SLC14A2: variants seen among roughly 807,000 people sequenced by gnomAD.
SLC14A2 encodes solute carrier family 14 member 2, also known as urea transporter 2.
In SLC14A2, 91 loss-of-function variants were observed where a neutral mutation model predicts 104.6. The observed-to-expected ratio is 0.87, with a 90% CI of 0.73 to 1.04. The LOEUF (loss-of-function observed/expected upper bound fraction) is 1.04. Among genes scored for constraint, SLC14A2 ranks in the 50% least tolerant of loss-of-function variants. The pLI is 0.00. For missense variants in SLC14A2, 1,189 were observed against 1,156.0 expected (o/e 1.03, Z -0.41); for synonymous variants, 476 against 466.4 (o/e 1.02, Z -0.27).
chr18:45,659,962 A>C (rs1031386968), intron 10 of SLC14A2, among the ~76,000 whole-genome samples: 4 of 41,296 alleles, frequency 9.7e-5, no homozygotes, highest in African/African-American at 3.8e-4. Flanking sequence ...CTGGCTCTAC[A>C]AAAAAAAAAA....
chr18:45,328,703 C>T (rs989020710), intron 1 of SLC14A2, among the ~76,000 whole-genome samples: 2 of 152,206 alleles, frequency 1.3e-5, no homozygotes, highest in Admixed American at 1.3e-4. Flanking sequence ...ATATGCTTAA[C>T]ACTAAAGATG....
intron 1 of SLC14A2, among the ~76,000 whole-genome samples, chr18:45,474,313 A>C (rs995215358): frequency 1.3e-5 from 2 of 152,176 alleles, no homozygotes; most frequent in Admixed American, 1.3e-4. Context: ...ATCAATGTTC[A>C]TCAGGGATAT....
intron 2 of SLC14A2, among the ~76,000 whole-genome samples, chr18:45,500,910 T>C (rs951137903): frequency 1.3e-5 from 2 of 152,178 alleles, no homozygotes; most frequent in Non-Finnish European, 2.9e-5. Flanking sequence ...CTGGTCACTG[T>C]CAGATAAGAT....
At chr18:45,369,999 T>A (rs1167743657) in intron 1 of SLC14A2, among the ~76,000 whole-genome samples, 1 of 152,214 alleles carries the variant, frequency 6.6e-6, no homozygotes, top group East Asian at 1.9e-4. Context: ...CTCTATGGAC[T>A]GAGAGCCAGA....
At chr18:45,523,124 GA>G (rs1179942070) in intron 2 of SLC14A2, among the ~76,000 whole-genome samples, 1 of 152,116 alleles carries the variant, frequency 6.6e-6, no homozygotes, top group Non-Finnish European at 1.5e-5. Context: ...CAGCTGGTGA[GA>G]ATTGTAGTTT....
intron 1 of SLC14A2, among the ~76,000 whole-genome samples, chr18:45,434,136 T>C (rs1328406139): frequency 1.3e-5 from 2 of 152,188 alleles, no homozygotes; most frequent in Non-Finnish European, 2.9e-5. Flanking sequence ...AACATCCCCC[T>C]ACCCTTAACT....
At chr18:45,293,873 A>G (rs953695682) in intron 1 of SLC14A2, among the ~76,000 whole-genome samples, 1 of 152,248 alleles carries the variant, frequency 6.6e-6, no homozygotes, top group Non-Finnish European at 1.5e-5. Flanking sequence ...CATGTTTCAT[A>G]TTAGTTATCT....
At chr18:45,171,595 G>C in the SLC14A2 span, among the ~76,000 whole-genome samples, 2 of 152,056 alleles carry the variant, frequency 1.3e-5, no homozygotes, top group Non-Finnish European at 2.9e-5. Flanking sequence ...TAATGTGGAA[G>C]AAACACAAGC....
chr18:45,509,986 C>T (rs751702237), intron 2 of SLC14A2, among the ~76,000 whole-genome samples: 3 of 152,154 alleles, frequency 2.0e-5, no homozygotes, highest in Non-Finnish European at 4.4e-5. Context: ...AGGGGTTGCC[C>T]ATAATCCTAC....
chr18:45,511,351 G>A (rs1424947965), intron 2 of SLC14A2, among the ~76,000 whole-genome samples: 1 of 152,070 alleles, frequency 6.6e-6, no homozygotes, highest in Non-Finnish European at 1.5e-5. Context: ...TTATATAGTA[G>A]CTTAAACATT....
intron 2 of SLC14A2, among the ~76,000 whole-genome samples, chr18:45,583,235 C>T (rs185350893): frequency 6.6e-6 from 1 of 152,214 alleles, no homozygotes; most frequent in Non-Finnish European, 1.5e-5. Flanking sequence ...CTCCAAGCCA[C>T]TTGGCAACCC....
chr18:45,402,418 CATT>C (rs890449756), intron 1 of SLC14A2, among the ~76,000 whole-genome samples: 2 of 152,204 alleles, frequency 1.3e-5, no homozygotes, highest in South Asian at 2.1e-4. Flanking sequence ...TCATCGCTGT[CATT>C]ATTACTCTAC....
intron 1 of SLC14A2, among the ~76,000 whole-genome samples, chr18:45,472,760 T>C (rs1328114248): frequency 6.6e-6 from 1 of 152,214 alleles, no homozygotes; most frequent in African/African-American, 2.4e-5. Flanking sequence ...AAGTTTCTTA[T>C]AGATTCTGGA....
At chr18:45,653,199 G>A (rs1407755040) in intron 10 of SLC14A2, among the ~76,000 whole-genome samples, 2 of 150,332 alleles carry the variant, frequency 1.3e-5, no homozygotes, top group African/African-American at 4.9e-5. Context: ...CTCCATGCAG[G>A]CGACCGACCT....
intron 1 of SLC14A2, among the ~76,000 whole-genome samples, chr18:45,240,839 T>A (rs905415773): frequency 6.6e-6 from 1 of 151,930 alleles, no homozygotes; most frequent in Non-Finnish European, 1.5e-5. Context: ...TTTCTATTTT[T>A]AGTAGAGATG....
intron 1 of SLC14A2, among the ~76,000 whole-genome samples, chr18:45,378,593 G>C (rs1168332971): frequency 6.6e-6 from 1 of 152,170 alleles, no homozygotes; most frequent in African/African-American, 2.4e-5. Flanking sequence ...GCCACATTTT[G>C]CTAACACTCC....
intron 1 of SLC14A2, among the ~76,000 whole-genome samples, chr18:45,354,067 G>A (rs557353201): frequency 1.6e-4 from 24 of 152,224 alleles, no homozygotes; most frequent in African/African-American, 5.8e-4. Context: ...GGTGCTGGAG[G>A]TAATTTTTCG....
chr18:45,413,527 C>CCCTA (rs2144497095), intron 1 of SLC14A2, among the ~76,000 whole-genome samples: 1 of 152,286 alleles, frequency 6.6e-6, no homozygotes, highest in Non-Finnish European at 1.5e-5. Context: ...TGGACTCAGA[C>CCCTA]CCTAGTTCCT....
the SLC14A2 span, among the ~76,000 whole-genome samples, chr18:45,187,995 A>T: frequency 6.6e-6 from 1 of 152,038 alleles, no homozygotes; most frequent in Non-Finnish European, 1.5e-5. Flanking sequence ...GCTACTTAGG[A>T]AGTGTCCTGT....
Sources: gnomAD v4.1 joint callset for allele counts (sites outside exome capture counted in the v4.1 genomes callset) on GRCh38, gnomAD v4.1.1 for gene constraint, MANE v1.5 for transcripts, NCBI Gene and HGNC (gene_info 2026-07-23, HGNC 2026-07-21) for gene names.